DLG2: variants seen among roughly 807,000 people sequenced by gnomAD.
DLG2 encodes the protein disks large homolog 2.
A neutral mutation model predicts 132.5 loss-of-function variants in DLG2; 45 were observed. The ratio of observed to expected loss-of-function variants is 0.34; its 90% CI spans 0.27 to 0.44. The LOEUF (loss-of-function observed/expected upper bound fraction) is 0.44, where lower values mean the gene tolerates loss of function less well. DLG2 is among the 20% of genes least tolerant of loss of function. DLG2 has a pLI of 1.00. For synonymous variants in DLG2, 424 were observed against 419.6 expected (o/e 1.01, Z -0.13); for missense variants, 1,045 against 1,196.9 (o/e 0.87, Z 1.87).
chr11:84,159,516 GT>G (rs35081846), intron 9 of DLG2, among the ~76,000 whole-genome samples: 5,261 of 152,266 alleles, frequency 0.035, 141 homozygotes, highest in Non-Finnish European at 0.055. Flanking sequence ...AGCTTGGCTT[GT>G]TTGAGAAACG....
At chr11:84,507,859 TG>T (rs2099246075) in intron 7 of DLG2, among the ~76,000 whole-genome samples, 1 of 152,234 alleles carries the variant, frequency 6.6e-6, no homozygotes, top group South Asian at 2.1e-4. Context: ...GATGTGCTGC[TG>T]GATTCAGTTT....
At chr11:84,525,471 T>C (rs1425870647) in intron 7 of DLG2, among the ~76,000 whole-genome samples, 1 of 152,146 alleles carries the variant, frequency 6.6e-6, no homozygotes, top group African/African-American at 2.4e-5. Flanking sequence ...TGTCTCAATG[T>C]CCTGATGATA....
At chr11:83,534,665 T>A (rs941386528) in intron 20 of DLG2, among the ~76,000 whole-genome samples, 3 of 152,244 alleles carry the variant, frequency 2.0e-5, no homozygotes, top group African/African-American at 7.2e-5. Flanking sequence ...CCGGGTGCGG[T>A]GGCTCACGCC....
At chr11:83,880,200 G>A (rs11233774) in intron 15 of DLG2, among the ~76,000 whole-genome samples, 45,139 of 151,808 alleles carry the variant, frequency 0.3, 7,120 homozygotes, top group East Asian at 0.38. Context: ...AGGTTATTAA[G>A]TGGGGGGAAT....
intron 11 of DLG2, among the ~76,000 whole-genome samples, chr11:83,990,170 A>G (rs546852086): frequency 2.6e-5 from 4 of 152,188 alleles, no homozygotes; most frequent in Admixed American, 1.3e-4. Context: ...AAATCAGTGA[A>G]TATTTCAGTA....
chr11:83,801,816 T>C (rs1356868641), intron 17 of DLG2, among the ~76,000 whole-genome samples: 7 of 152,138 alleles, frequency 4.6e-5, no homozygotes, highest in African/African-American at 1.7e-4. Context: ...CTCTTTTAAC[T>C]CCATACTTTT....
chr11:85,105,189 T>C (rs2071541944), intron 6 of DLG2, among the ~76,000 whole-genome samples: 1 of 151,896 alleles, frequency 6.6e-6, no homozygotes, highest in Non-Finnish European at 1.5e-5. Flanking sequence ...GTGTAGGTTT[T>C]ATGTGTGCAC....
At chr11:84,104,385 A>G (rs879436720) in intron 9 of DLG2, among the ~76,000 whole-genome samples, 21 of 152,130 alleles carry the variant, frequency 1.4e-4, no homozygotes, top group Non-Finnish European at 2.9e-4. Context: ...ACACATGAAC[A>G]TAAAGATGGG....
chr11:85,182,948 T>C (rs2079824067), intron 4 of DLG2, among the ~76,000 whole-genome samples: 1 of 150,824 alleles, frequency 6.6e-6, no homozygotes, highest in Non-Finnish European at 1.5e-5. Flanking sequence ...TCGATGCATC[T>C]CCCAGAATGC....
At chr11:85,456,459 A>T (rs531830802) in intron 3 of DLG2, among the ~76,000 whole-genome samples, 2 of 152,202 alleles carry the variant, frequency 1.3e-5, no homozygotes, top group South Asian at 4.1e-4. Flanking sequence ...TTCACATCTC[A>T]AATTCCTTCA....
chr11:84,806,712 A>G (rs991558348), intron 6 of DLG2, among the ~76,000 whole-genome samples: 4 of 152,232 alleles, frequency 2.6e-5, no homozygotes, highest in African/African-American at 9.6e-5. Context: ...GCAAGAAAAT[A>G]AGGAAAGAAG....
chr11:84,561,746 A>G (rs1378418934), intron 6 of DLG2, among the ~76,000 whole-genome samples: 2 of 152,176 alleles, frequency 1.3e-5, no homozygotes. Context: ...TTGAAATGCT[A>G]AGAAAATATT....
chr11:84,120,112 T>A (rs2093834496), intron 9 of DLG2, among the ~76,000 whole-genome samples: 1 of 152,176 alleles, frequency 6.6e-6, no homozygotes, highest in Admixed American at 6.5e-5. Context: ...AGGTGGATAT[T>A]CTTTTTCACT....
intron 17 of DLG2, among the ~76,000 whole-genome samples, chr11:83,831,827 A>G (rs1244620456): frequency 2.6e-5 from 4 of 152,154 alleles, no homozygotes; most frequent in African/African-American, 9.7e-5. Flanking sequence ...CAATGGATTT[A>G]CCCTATCATA....
At chr11:84,242,977 T>C (rs2097252271) in intron 8 of DLG2, among the ~76,000 whole-genome samples, 1 of 138,250 alleles carries the variant, frequency 7.2e-6, no homozygotes, top group South Asian at 2.4e-4. Context: ...AAGGATAGTT[T>C]TGATGATTAA....
intron 6 of DLG2, among the ~76,000 whole-genome samples, chr11:84,789,144 A>C (rs2073414359): frequency 1.3e-5 from 2 of 152,196 alleles, no homozygotes; most frequent in Admixed American, 6.5e-5. Context: ...GTGGAGGCTT[A>C]GAAACTGCAG....
At chr11:84,868,163 ATATTAT>A (rs555648240) in intron 6 of DLG2, among the ~76,000 whole-genome samples, 9 of 147,556 alleles carry the variant, frequency 6.1e-5, no homozygotes, top group African/African-American at 1.7e-4. Flanking sequence ...TTAATATATT[ATATTAT>A]TATTATTATT....
intron 6 of DLG2, among the ~76,000 whole-genome samples, chr11:84,586,339 A>G (rs780115357): frequency 1.3e-5 from 2 of 152,108 alleles, no homozygotes; most frequent in Non-Finnish European, 2.9e-5. Context: ...CTAATAGTCT[A>G]TTTTGTCTTG....
intron 6 of DLG2, among the ~76,000 whole-genome samples, chr11:85,107,695 A>G (rs1434103737): frequency 1.3e-5 from 2 of 152,000 alleles, no homozygotes; most frequent in African/African-American, 2.4e-5. Flanking sequence ...AATGAGGCAT[A>G]TAATCAATTT....
Sources: gnomAD v4.1 joint callset for allele counts (sites outside exome capture counted in the v4.1 genomes callset) on GRCh38, gnomAD v4.1.1 for gene constraint, MANE v1.5 for transcripts, NCBI Gene and HGNC (gene_info 2026-07-23, HGNC 2026-07-21) for gene names.